The following PPM1H variants were observed in gnomAD, a reference collection of about 807,000 sequenced individuals.
PPM1H encodes protein phosphatase 1H.
A neutral mutation model predicts 54.9 loss-of-function variants in PPM1H; 27 were observed. The observed-to-expected ratio is 0.49, with a 90% CI of 0.36 to 0.68. The LOEUF is 0.68. Ranked by LOEUF, PPM1H falls within the 30% of genes least tolerant of loss-of-function variation. PPM1H has a pLI of 0.00. For synonymous variants in PPM1H, 305 were observed against 270.8 expected (o/e 1.13, Z -1.24); for missense variants, 596 against 667.8 (o/e 0.89, Z 1.19).
chr12:62,839,884 A>AAAACAAAAAAAAAC (rs1868664315), intron 1 of PPM1H, among the ~76,000 whole-genome samples: 4 of 150,274 alleles, frequency 2.7e-5, no homozygotes, highest in African/African-American at 1.0e-4. Context: ...CAAAAAAAAA[A>AAAACAAAAAAAAAC]AAAAAACACC....
intron 1 of PPM1H, among the ~76,000 whole-genome samples, chr12:62,912,119 A>G (rs1289188066): frequency 1.3e-5 from 2 of 152,238 alleles, no homozygotes; most frequent in African/African-American, 4.8e-5. Flanking sequence ...CTACAACGCA[A>G]AAAAGTGGTG....
chr12:62,839,711 A>G (rs1868652217), intron 1 of PPM1H, among the ~76,000 whole-genome samples: 1 of 151,972 alleles, frequency 6.6e-6, no homozygotes, highest in Admixed American at 6.6e-5. Flanking sequence ...TCTACTCTCA[A>G]GGACCCTATA....
intron 1 of PPM1H, among the ~76,000 whole-genome samples, chr12:62,888,788 A>G (rs1169175943): frequency 6.6e-6 from 1 of 152,190 alleles, no homozygotes; most frequent in Admixed American, 6.6e-5. Flanking sequence ...ACAGGCATTT[A>G]CCCAGATTTT....
intron 1 of PPM1H, among the ~76,000 whole-genome samples, chr12:62,883,163 A>G (rs1870457017): frequency 6.6e-6 from 1 of 152,154 alleles, no homozygotes; most frequent in Non-Finnish European, 1.5e-5. Context: ...ACCCTCCTCC[A>G]TCCTGCTCAC....
At chr12:62,916,233 G>A (rs1311111759) in intron 1 of PPM1H, among the ~76,000 whole-genome samples, 1 of 152,196 alleles carries the variant, frequency 6.6e-6, no homozygotes, top group African/African-American at 2.4e-5. Context: ...TAACTGAATG[G>A]TTTTCTGTCA....
chr12:62,860,471 C>A (rs1164838439), intron 1 of PPM1H, among the ~76,000 whole-genome samples: 1 of 152,034 alleles, frequency 6.6e-6, no homozygotes, highest in Non-Finnish European at 1.5e-5. Context: ...AATCAAGAAA[C>A]AAAACAGGCA....
chr12:62,644,280 C>G lies in PPM1H; in HGVS notation c.*4209G>C, dbSNP rs865975911. 6.6e-6 allele frequency: 1 copy of G among 152,118 alleles called. No individual in the cohort carries two copies. 9.4% of individuals were successfully genotyped at this position (152,118 alleles called of 1,614,324 possible). ...ATCCATTCCTTACAAATGATCTCCA[C>G]CATGGGCCTCCCTGGGTCTCCAGAA... On this transcript the variant is annotated 3_prime_UTR_variant, in exon 10 of 10. Coordinates refer to ENST00000228705, the MANE Select transcript of PPM1H (RefSeq NM_020700.2).
At chr12:62,744,490 A>C (rs551426363) in intron 4 of PPM1H, among the ~76,000 whole-genome samples, 1 of 146,528 alleles carries the variant, frequency 6.8e-6, no homozygotes, top group Admixed American at 6.8e-5. Flanking sequence ...AAAAAAAAGG[A>C]GTGAAATTCT....
At chr12:62,882,614 T>C (rs1456388184) in intron 1 of PPM1H, among the ~76,000 whole-genome samples, 1 of 152,206 alleles carries the variant, frequency 6.6e-6, no homozygotes, top group Non-Finnish European at 1.5e-5. Flanking sequence ...CCATTCTCCT[T>C]GCTCCACGTT....
At chr12:62,669,744 C>A (rs1403223406) in intron 8 of PPM1H, among the ~76,000 whole-genome samples, 1 of 151,946 alleles carries the variant, frequency 6.6e-6, no homozygotes, top group Non-Finnish European at 1.5e-5. Context: ...CCAGCCTGGG[C>A]AACATAGTGA....
chr12:62,819,074 G>A (rs552254468), intron 2 of PPM1H, among the ~76,000 whole-genome samples: 2 of 150,976 alleles, frequency 1.3e-5, no homozygotes, highest in East Asian at 2.0e-4. Flanking sequence ...ACCTTGCCTC[G>A]GCCTCCAAAA....
chr12:62,668,118 G>T (rs1435888375), intron 8 of PPM1H, among the ~76,000 whole-genome samples: 1 of 152,148 alleles, frequency 6.6e-6, no homozygotes, highest in East Asian at 1.9e-4. Context: ...CTAAGCTCTG[G>T]AAAGAGAATG....
chr12:62,849,901 C>T (rs1869115775), intron 1 of PPM1H, among the ~76,000 whole-genome samples: 1 of 152,202 alleles, frequency 6.6e-6, no homozygotes, highest in African/African-American at 2.4e-5. Flanking sequence ...CTCTAAAATG[C>T]TGTCACAACT....
At chr12:62,899,490 A>C (rs1255980369) in intron 1 of PPM1H, among the ~76,000 whole-genome samples, 1 of 152,252 alleles carries the variant, frequency 6.6e-6, no homozygotes, top group Admixed American at 6.5e-5. Flanking sequence ...CTAAGTTTAC[A>C]AAAGTCTGAC....
At chr12:62,867,915 T>G (rs1341689044) in intron 1 of PPM1H, among the ~76,000 whole-genome samples, 1 of 152,132 alleles carries the variant, frequency 6.6e-6, no homozygotes, top group African/African-American at 2.4e-5. Context: ...TTCATGGGCA[T>G]CACAGCAGCT....
chr12:62,830,362 T>G (rs985971254), intron 2 of PPM1H, among the ~76,000 whole-genome samples: 1 of 152,198 alleles, frequency 6.6e-6, no homozygotes, highest in Admixed American at 6.5e-5. Flanking sequence ...TTCACGCCAT[T>G]CTTCTGCCTC....
chr12:62,834,009 A>G lies in PPM1H; in HGVS notation c.246-1730T>C, dbSNP rs528269171. On this transcript the variant is annotated intron_variant, in intron 1 of 9. Coordinates refer to ENST00000228705, the MANE Select transcript of PPM1H (RefSeq NM_020700.2). ...CTCAATTTCAAATTTCTGTATCAATAAAAAGGGCTTCGCTGGTCCTATCGG... is the reference window on the plus strand; with the variant it reads ...CTCAATTTCAAATTTCTGTATCAATGAAAAGGGCTTCGCTGGTCCTATCGG... 5.9e-5 allele frequency among the ~76,000 whole-genome samples: 9 copies of G among 152,328 alleles called. 1 individual carries two copies. The highest frequency in any genetic ancestry group is 2.2e-4 in the African/African-American group (9 of 41,580).
At chr12:62,687,409 C>CA (rs2076059148) in intron 8 of PPM1H, among the ~76,000 whole-genome samples, 1 of 152,190 alleles carries the variant, frequency 6.6e-6, no homozygotes, top group East Asian at 1.9e-4. Context: ...CTGGGGCAGG[C>CA]ATGTGCCACC....
chr12:62,722,160 C>T (rs1160536937), intron 5 of PPM1H, among the ~76,000 whole-genome samples: 1 of 151,958 alleles, frequency 6.6e-6, no homozygotes, highest in African/African-American at 2.4e-5. Context: ...TATTTTAGTC[C>T]GCCCATGAAA....
Sources: allele counts gnomAD v4.1 joint callset (sites outside exome capture counted in the v4.1 genomes callset), GRCh38; gene constraint gnomAD v4.1.1; transcripts MANE v1.5; gene names NCBI Gene and HGNC (gene_info 2026-07-23, HGNC 2026-07-21).